The following HS2ST1 variants were observed in gnomAD, a reference collection of about 807,000 sequenced individuals.
HS2ST1 encodes 2-O-sulfotransferase.
A neutral mutation model predicts 42.9 loss-of-function variants in HS2ST1; 18 were observed. The observed-to-expected ratio is 0.42, with a 90% CI of 0.29 to 0.62. HS2ST1 has a LOEUF of 0.62. Among genes scored for constraint, HS2ST1 ranks in the 20% least tolerant of loss-of-function variants. The pLI is 0.21. For missense variants in HS2ST1, 334 were observed against 433.8 expected (o/e 0.77, Z 2.04); for synonymous variants, 146 against 152.9 (o/e 0.95, Z 0.33).
intron 1 of HS2ST1, among the ~76,000 whole-genome samples, chr1:86,985,350 T>C (rs1300910441): frequency 8.1e-5 from 3 of 36,852 alleles, no homozygotes; most frequent in African/African-American, 2.1e-4. Context: ...GAGACTTGTA[T>C]CAAAAAAAAA....
At chr1:86,959,913 C>G (rs1557494072) in intron 1 of HS2ST1, among the ~76,000 whole-genome samples, 1 of 152,110 alleles carries the variant, frequency 6.6e-6, no homozygotes, top group Non-Finnish European at 1.5e-5. Context: ...AGAATCGCAG[C>G]AGGTTATTTT....
chr1:86,954,050 A>T (rs1305968425), intron 1 of HS2ST1, among the ~76,000 whole-genome samples: 5 of 143,166 alleles, frequency 3.5e-5, no homozygotes, highest in African/African-American at 1.1e-4. Context: ...TAAAAAAAAA[A>T]AAAAAAAAAA....
intron 1 of HS2ST1, among the ~76,000 whole-genome samples, chr1:86,985,719 C>T (rs1390550602): frequency 6.6e-6 from 1 of 151,756 alleles, no homozygotes; most frequent in African/African-American, 2.4e-5. Context: ...ATCTTACTCT[C>T]CTTAGTTTAG....
chr1:87,013,428 A>G (rs1313552676), intron 1 of HS2ST1, among the ~76,000 whole-genome samples: 2 of 152,190 alleles, frequency 1.3e-5, no homozygotes, highest in Non-Finnish European at 2.9e-5. Context: ...ATGGCTAGGA[A>G]GCAGGGCACC....
chr1:87,048,600 T>G (rs1182280404), intron 1 of HS2ST1, among the ~76,000 whole-genome samples: 1 of 129,810 alleles, frequency 7.7e-6, no homozygotes, highest in Non-Finnish European at 1.8e-5. Context: ...TTTATCATGC[T>G]TCTAGTCCCA....
chr1:87,047,731 C>T (rs559509316), intron 1 of HS2ST1, among the ~76,000 whole-genome samples: 26 of 152,144 alleles, frequency 1.7e-4, no homozygotes, highest in Non-Finnish European at 2.5e-4. Context: ...ATATTTGTAT[C>T]CAAGTTTTTC....
chr1:86,971,114 G>A (rs540912816), intron 1 of HS2ST1, among the ~76,000 whole-genome samples: 4 of 152,142 alleles, frequency 2.6e-5, no homozygotes, highest in Admixed American at 6.5e-5. Context: ...TTTATTGAAG[G>A]CCTGTTACAT....
intron 2 of HS2ST1, among the ~76,000 whole-genome samples, chr1:87,075,005 C>CT (rs1399810325): frequency 1.3e-5 from 2 of 151,934 alleles, no homozygotes; most frequent in Non-Finnish European, 2.9e-5. Context: ...GTTTACTTCA[C>CT]TTTTAATCTA....
intron 1 of HS2ST1, among the ~76,000 whole-genome samples, chr1:87,059,095 TC>T (rs534511353): frequency 1.1e-4 from 16 of 152,266 alleles, no homozygotes; most frequent in African/African-American, 3.9e-4. Flanking sequence ...GAAGCATTGT[TC>T]CTGGCTCACA....
At chr1:86,964,146 C>T (rs1204011528) in intron 1 of HS2ST1, among the ~76,000 whole-genome samples, 2 of 151,720 alleles carry the variant, frequency 1.3e-5, no homozygotes, top group African/African-American at 2.4e-5. Flanking sequence ...TCCTCACTTC[C>T]TAGACGGGAT....
At chr1:87,046,535 G>A (rs1650671006) in intron 1 of HS2ST1, 11 of 1,544,228 alleles carry the variant, frequency 7.1e-6, no homozygotes, top group Non-Finnish European at 9.8e-6. Flanking sequence ...TTTTAAAGAT[G>A]ACATCAGGTA....
intron 1 of HS2ST1, among the ~76,000 whole-genome samples, chr1:86,940,705 T>G (rs1374836836): frequency 6.6e-6 from 1 of 152,158 alleles, no homozygotes; most frequent in African/African-American, 2.4e-5. Flanking sequence ...GAAAACACAC[T>G]GGCGACTGGG....
At chr1:87,081,292 G>A (rs931333231) in intron 2 of HS2ST1, among the ~76,000 whole-genome samples, 1 of 152,062 alleles carries the variant, frequency 6.6e-6, no homozygotes, top group African/African-American at 2.4e-5. Context: ...CATTGTCAAG[G>A]ATAGACCATA....
chr1:86,967,392 C>T (rs1240661818), intron 1 of HS2ST1, among the ~76,000 whole-genome samples: 7 of 152,108 alleles, frequency 4.6e-5, no homozygotes, highest in Non-Finnish European at 5.9e-5. Flanking sequence ...TAGTTTGCCT[C>T]TCACCAAAGT....
chr1:86,917,291 G>A (rs973468981), intron 1 of HS2ST1, among the ~76,000 whole-genome samples: 1 of 152,156 alleles, frequency 6.6e-6, no homozygotes, highest in Non-Finnish European at 1.5e-5. Flanking sequence ...GGCCGAGGCC[G>A]GCGGATCATT....
At chr1:86,997,367 A>AT (rs1649134593) in intron 1 of HS2ST1, among the ~76,000 whole-genome samples, 2 of 152,214 alleles carry the variant, frequency 1.3e-5, no homozygotes. Flanking sequence ...CTGAGCAGAA[A>AT]TTTCAGCAAC....
intron 1 of HS2ST1, among the ~76,000 whole-genome samples, chr1:86,939,723 T>C (rs2102174254): frequency 6.6e-6 from 1 of 152,330 alleles, no homozygotes; most frequent in East Asian, 1.9e-4. Flanking sequence ...CGTGTTAAAA[T>C]TGGCTCCTAA....
chr1:87,073,823 T>C (rs572984008), intron 2 of HS2ST1, among the ~76,000 whole-genome samples: 1 of 152,316 alleles, frequency 6.6e-6, no homozygotes, highest in African/African-American at 2.4e-5. Context: ...ACTGCAATTA[T>C]AAATAAAGTT....
chr1:87,101,149 G>GTTTGT (rs1652190499), intron 5 of HS2ST1, among the ~76,000 whole-genome samples: 1 of 59,540 alleles, frequency 1.7e-5, no homozygotes, highest in Non-Finnish European at 3.0e-5. Flanking sequence ...GTGTGTGTGT[G>GTTTGT]TTTTTTGTTT....
Sources: gnomAD v4.1 joint callset for allele counts (sites outside exome capture counted in the v4.1 genomes callset) on GRCh38, gnomAD v4.1.1 for gene constraint, MANE v1.5 for transcripts, NCBI Gene and HGNC (gene_info 2026-07-23, HGNC 2026-07-21) for gene names.